SEMA4B: variants seen among roughly 807,000 people sequenced by gnomAD.
The protein encoded by SEMA4B is semaphorin-4B.
In SEMA4B, 55 loss-of-function variants were observed where a neutral mutation model predicts 88.1. The observed-to-expected ratio is 0.62, with a 90% CI of 0.50 to 0.78. SEMA4B has a LOEUF of 0.78. Ranked by LOEUF, SEMA4B falls within the 30% of genes least tolerant of loss-of-function variation. The pLI is 0.00. For synonymous variants in SEMA4B, 525 were observed against 473.6 expected (o/e 1.11, Z -1.41); for missense variants, 1,062 against 1,111.9 (o/e 0.96, Z 0.64).
chr15:90,228,498 T>G lies in SEMA4B; in HGVS notation c.2369T>G (p.Leu790Arg), dbSNP rs771517456. 2 of 1,611,314 alleles carry G rather than the reference T, an allele frequency of 1.2e-6. No homozygotes were observed. Among genetic ancestry groups the G allele is most frequent in the South Asian group, 2.2e-5 (2 of 90,864 alleles). ...CTCGATCACCGAGGGTACCAGTCCC[T>G]GTCAGACAGCCCCCCGGGGTCCCGA... ...TPLDHRGYQSLSDSPPGSRVF... is the reference protein window; with the variant it reads ...TPLDHRGYQSRSDSPPGSRVF... Residue 790 changes from leucine (L) to arginine (R), a missense_variant, in exon 14 of 14, where the codon CTG becomes CGG. Coordinates refer to ENST00000411539, the MANE Select transcript of SEMA4B (RefSeq NM_198925.4).
chr15:90,210,238 T>C (rs780403651), intron 1 of SEMA4B, among the ~76,000 whole-genome samples: 14 of 152,178 alleles, frequency 9.2e-5, no homozygotes, highest in Non-Finnish European at 1.8e-4. Flanking sequence ...GGAGTGGGAC[T>C]GGAAGGGGGC....
At chr15:90,223,385 C>G (rs1170253205) in intron 7 of SEMA4B, among the ~76,000 whole-genome samples, 174 bp from the exon 8 acceptor site, 4 of 152,184 alleles carry the variant, frequency 2.6e-5, no homozygotes, top group Admixed American at 6.5e-5. Flanking sequence ...AAGGACCATC[C>G]TCCTGATGGA....
intron 1 of SEMA4B, among the ~76,000 whole-genome samples, chr15:90,210,295 G>A (rs140459137): frequency 1.3e-5 from 2 of 152,286 alleles, no homozygotes; most frequent in African/African-American, 4.8e-5. Context: ...GCACTGTGGG[G>A]TCTGGTGTGT....
chr15:90,223,474 G>A, intron 7 of SEMA4B, 85 bp from the exon 8 acceptor site: 2 of 1,240,992 alleles, frequency 1.6e-6, no homozygotes, highest in Non-Finnish European at 2.2e-6. Flanking sequence ...TGTCTGGGGT[G>A]GGTCCATTGA....
In SEMA4B at chr15:90,228,004, C is replaced by T. The variant is rs772043069; in HGVS notation, c.1875C>T (p.Asn625=). 1.2e-5 allele frequency: 19 copies of T among 1,613,892 alleles called. No individual in the cohort carries two copies. Among genetic ancestry groups the T allele is most frequent in the East Asian group, 2.2e-5 (1 of 44,876 alleles). Residue 625 remains asparagine, a synonymous_variant, in exon 14 of 14, where the codon AAC becomes AAT. Coordinates refer to ENST00000411539, the MANE Select transcript of SEMA4B (RefSeq NM_198925.4). ...TGGCGACCCGACTCTGGCTACGCAA[C>T]GGGGCCCCCGTCAATGCCTCGGCCT... ...SNLATRLWLR[N]GAPVNASASC...
intron 1 of SEMA4B, among the ~76,000 whole-genome samples, chr15:90,204,857 C>G (rs564241624): frequency 6.6e-6 from 1 of 152,260 alleles, no homozygotes; most frequent in East Asian, 1.9e-4. Context: ...CTCACTGCAG[C>G]CTCCACCTCC....
intron 7 of SEMA4B, 97 bp from the exon 8 acceptor site, chr15:90,223,462 G>T (rs1337423081): frequency 2.8e-5 from 31 of 1,116,462 alleles, no homozygotes; most frequent in Non-Finnish European, 3.7e-5. Context: ...CTTCAGTCCT[G>T]GTGTCTGGGG....
At position 90,223,837 on chromosome 15, in the gene SEMA4B, G is replaced by C; in HGVS notation, c.1044-1G>C. The C allele has an allele frequency of 6.2e-7, 1 of 1,613,826 alleles. No individual in the cohort carries two copies. The highest frequency in any genetic ancestry group is 8.5e-7 in the Non-Finnish European group (1 of 1,179,802). ...GGTTAATCTGGTTATTTCCTCTGCA[G>C]GCACAGGGGAACTACAGAAGGCTCT... On this transcript the variant is annotated splice_acceptor_variant, in intron 8 of 13. Transcript: ENST00000411539. LOFTEE classifies it high-confidence loss of function.
At chr15:90,225,528 A>G (rs1217142488) in intron 11 of SEMA4B, 131 bp downstream of exon 11, 5 of 1,285,688 alleles carry the variant, frequency 3.9e-6, no homozygotes, top group African/African-American at 3.0e-5. Flanking sequence ...GTCATGAACT[A>G]TTAGAAAGTG....
chr15:90,186,501 C>T lies in SEMA4B; in HGVS notation c.-122+1420C>T, dbSNP rs532265937. Among the ~76,000 whole-genome samples the T allele has an allele frequency of 1.8e-4, 28 of 152,122 alleles. No homozygotes were observed. In the East Asian group the frequency reaches 5.3e-3, roughly 29 times the overall value. Reference sequence around the variant, plus strand: ...GGGCATGGTGGCGCATGCCTGTAATCGCAGCGACTTGGGAGGCTGAGGCAG... The same window carrying T: ...GGGCATGGTGGCGCATGCCTGTAATTGCAGCGACTTGGGAGGCTGAGGCAG... On this transcript the variant is annotated intron_variant, in intron 1 of 14. Coordinates refer to the SEMA4B transcript ENST00000332496.
chr15:90,191,275 T>C (rs1960336263), intron 1 of SEMA4B, among the ~76,000 whole-genome samples: 1 of 152,184 alleles, frequency 6.6e-6, no homozygotes, highest in African/African-American at 2.4e-5. Flanking sequence ...GCGGGCCGGT[T>C]CTTTCTCCCC....
intron 4 of SEMA4B, chr15:90,220,367 CTT>C (rs1320090623): frequency 5.6e-5 from 7 of 125,284 alleles, no homozygotes; most frequent in Admixed American, 2.5e-4. Flanking sequence ...TTTTTCTTTT[CTT>C]TTTTTTTTTT....
upstream of SEMA4B, among the ~76,000 whole-genome samples, chr15:90,199,993 C>A (rs191442968): frequency 1.2e-3 from 181 of 152,256 alleles, no homozygotes; most frequent in African/African-American, 4.2e-3. Flanking sequence ...TGTCCATATC[C>A]CATGTGGAAT....
In SEMA4B at chr15:90,188,402, C is replaced by T. The variant is rs1001197152; in HGVS notation, c.-122+3321C>T. On this transcript the variant is annotated intron_variant, in intron 1 of 14. Coordinates refer to the SEMA4B transcript ENST00000332496. ...TAGCATTTTGGGAGGCCGAGGTGGGCGGATCACCTGAGGTCAGGGGTTCAA... is the reference window on the plus strand; with the variant it reads ...TAGCATTTTGGGAGGCCGAGGTGGGTGGATCACCTGAGGTCAGGGGTTCAA... 4.0e-5 allele frequency among the ~76,000 whole-genome samples: 6 copies of T among 151,038 alleles called. No individual in the cohort carries two copies. In the East Asian group the frequency reaches 8.0e-4, roughly 20 times the overall value.
At chr15:90,191,842 G>A (rs1469612318) in intron 1 of SEMA4B, 1 of 152,324 alleles carries the variant, frequency 6.6e-6, no homozygotes, top group Non-Finnish European at 1.5e-5. Context: ...GCTGCCCCAA[G>A]GAAGCTCCCA....
intron 1 of SEMA4B, among the ~76,000 whole-genome samples, chr15:90,188,862 G>A (rs1960260013): frequency 1.3e-5 from 2 of 151,708 alleles, no homozygotes; most frequent in Non-Finnish European, 2.9e-5. Context: ...TAGAGACGGG[G>A]TTTCACCATG....
rs1030049245 is a variant in SEMA4B, at chr15:90,229,523, A to G, written c.*880A>G. On this transcript the variant is annotated 3_prime_UTR_variant, in exon 14 of 14. Transcript: ENST00000411539. The stretch of plus-strand genomic sequence containing the variant: ...CTCCCCAGTCCCCAGTTCACCCTCC[A>G]TCCCTCACCTTCCTCCACTCTAAGG... 6 of 407,190 alleles carry G rather than the reference A, an allele frequency of 1.5e-5. No individual in the cohort carries two copies. The East Asian group carries it at 3.6e-4, about 24-fold the overall frequency. The allele number at this position is 407,190 out of a possible 1,614,324, so 25.2% of individuals were successfully genotyped here.
At chr15:90,194,968 A>G (rs1305481013) in intron 1 of SEMA4B, among the ~76,000 whole-genome samples, 1 of 152,202 alleles carries the variant, frequency 6.6e-6, no homozygotes, top group Non-Finnish European at 1.5e-5. Flanking sequence ...TGCCATTATC[A>G]TAGCTAAAAA....
chr15:90,217,344 T>A (rs377222163), intron 1 of SEMA4B, 95 bp from the exon 2 acceptor site: 1 of 1,330,634 alleles, frequency 7.5e-7, no homozygotes, highest in Admixed American at 2.5e-5. Flanking sequence ...GCCTTGCTGA[T>A]TACCTTCCTT....
Sources: gnomAD v4.1 joint callset for allele counts (sites outside exome capture counted in the v4.1 genomes callset) on GRCh38, gnomAD v4.1.1 for gene constraint, MANE v1.5 for transcripts, NCBI Gene and HGNC (gene_info 2026-07-23, HGNC 2026-07-21) for gene names.